The following ESR1 variants were observed in gnomAD, a reference collection of about 807,000 sequenced individuals.
ESR1 encodes the protein estrogen receptor.
ESR1 carries 12 observed loss-of-function variants against 52.7 expected under a neutral mutation model. The observed-to-expected ratio is 0.23, with a 90% CI of 0.15 to 0.37. The LOEUF is 0.37. ESR1 is among the 10% of genes least tolerant of loss of function. The probability of loss-of-function intolerance (pLI) is 1.00; values close to 1 mark genes in which losing one functional copy is unlikely to be tolerated. For synonymous variants in ESR1, 305 were observed against 316.8 expected (o/e 0.96, Z 0.39); for missense variants, 584 against 779.7 (o/e 0.75, Z 2.99).
intron 2 of ESR1, among the ~76,000 whole-genome samples, chr6:151,764,771 T>TTATCCATAA (rs1397878426): frequency 2.0e-5 from 3 of 152,222 alleles, no homozygotes; most frequent in African/African-American, 7.2e-5. Context: ...TATGTTACAT[T>TTATCCATAA]TATCCATAAT....
intron 6 of ESR1, among the ~76,000 whole-genome samples, chr6:152,112,306 T>C (rs1251054500): frequency 1.3e-5 from 2 of 152,226 alleles, no homozygotes; most frequent in Admixed American, 1.3e-4. Flanking sequence ...TCCTCTATTT[T>C]CTGTGATTGC....
chr6:152,084,842 C>T (rs2049565631), intron 6 of ESR1, among the ~76,000 whole-genome samples: 1 of 152,124 alleles, frequency 6.6e-6, no homozygotes, highest in South Asian at 2.1e-4. Context: ...TGGTGAGAAA[C>T]CGGAGTACAG....
At chr6:151,728,752 A>T (rs892807381) in intron 2 of ESR1, among the ~76,000 whole-genome samples, 3 of 152,186 alleles carry the variant, frequency 2.0e-5, no homozygotes, top group Admixed American at 1.3e-4. Flanking sequence ...AGAATGTCTG[A>T]TGGTGCCCTG....
At chr6:152,036,202 A>G (rs1562705356) in intron 5 of ESR1, among the ~76,000 whole-genome samples, 1 of 152,170 alleles carries the variant, frequency 6.6e-6, no homozygotes, top group Non-Finnish European at 1.5e-5. Context: ...TCTACTAAAA[A>G]TATAAAAATT....
intron 2 of ESR1, among the ~76,000 whole-genome samples, chr6:151,855,749 G>A (rs1486477613): frequency 1.3e-5 from 2 of 152,112 alleles, no homozygotes; most frequent in African/African-American, 4.8e-5. Flanking sequence ...TGGGAAAAAG[G>A]GGTATTTCAG....
At chr6:152,010,729 G>C (rs1000571163) in intron 4 of ESR1, among the ~76,000 whole-genome samples, 1 of 152,080 alleles carries the variant, frequency 6.6e-6, no homozygotes, top group Non-Finnish European at 1.5e-5. Flanking sequence ...TAAGCTCTCT[G>C]AGCATCTGTC....
chr6:152,069,100 C>T (rs1298213002), intron 6 of ESR1, among the ~76,000 whole-genome samples: 1 of 137,312 alleles, frequency 7.3e-6, no homozygotes, highest in Non-Finnish European at 1.5e-5. Context: ...GTACACCAAA[C>T]AGCAGGAGCT....
chr6:152,116,414 G>A (rs1457182893), intron 6 of ESR1, among the ~76,000 whole-genome samples: 2 of 152,194 alleles, frequency 1.3e-5, no homozygotes, highest in African/African-American at 4.8e-5. Context: ...ACATCGTTAA[G>A]TGAAAAATGC....
intron 2 of ESR1, among the ~76,000 whole-genome samples, chr6:151,789,940 C>A (rs551864448): frequency 1.3e-5 from 2 of 152,130 alleles, no homozygotes; most frequent in Non-Finnish European, 2.9e-5. Flanking sequence ...AGCTAAGGAA[C>A]GTTGGCGTGA....
At chr6:152,049,535 T>G (rs1235210931) in intron 5 of ESR1, among the ~76,000 whole-genome samples, 1 of 152,224 alleles carries the variant, frequency 6.6e-6, no homozygotes, top group Non-Finnish European at 1.5e-5. Flanking sequence ...ATTTTCTCTG[T>G]AATTTCCACA....
intron 1 of ESR1, among the ~76,000 whole-genome samples, chr6:151,679,620 C>G (rs2115289701): frequency 6.6e-6 from 1 of 152,278 alleles, no homozygotes; most frequent in Non-Finnish European, 1.5e-5. Flanking sequence ...CTCCCAAGAG[C>G]TCTCCTTAGC....
At chr6:152,120,811 G>A (rs2051305771) in intron 6 of ESR1, among the ~76,000 whole-genome samples, 1 of 152,192 alleles carries the variant, frequency 6.6e-6, no homozygotes, top group Non-Finnish European at 1.5e-5. Context: ...GATGGACTCA[G>A]ACTACCTGCA....
At chr6:151,675,930 C>T (rs528534813) in intron 1 of ESR1, among the ~76,000 whole-genome samples, 28 of 152,332 alleles carry the variant, frequency 1.8e-4, no homozygotes, top group Non-Finnish European at 1.6e-4. Flanking sequence ...AGAGAGCTGG[C>T]TGTGGTCTCC....
intron 2 of ESR1, among the ~76,000 whole-genome samples, chr6:151,794,096 T>C (rs1776461938): frequency 6.6e-6 from 1 of 152,242 alleles, no homozygotes; most frequent in Non-Finnish European, 1.5e-5. Context: ...GTCTATGCTG[T>C]GGATCAGAAA....
In ESR1 at chr6:151,842,637, T is replaced by C; in HGVS notation, c.493T>C (p.Leu165=). The part of the protein sequence containing the change: ...DNRRQGGRER[L]ASTNDKGSMA... ...TCGACGCCAGGGTGGCAGAGAAAGA[T>C]TGGCCAGTACCAATGACAAGGGAAG... The change falls in exon 2 of 8, where the codon TTG becomes CTG. Residue 165 remains leucine (L), a synonymous_variant. Transcript: ENST00000206249. 1.2e-6 allele frequency: 2 copies of C among 1,613,816 alleles called. No individual in the cohort carries two copies. The highest frequency in any genetic ancestry group is 1.7e-6 in the Non-Finnish European group (2 of 1,179,902).
At chr6:151,834,782 A>C (rs1430519512) in intron 1 of ESR1, among the ~76,000 whole-genome samples, 4 of 152,160 alleles carry the variant, frequency 2.6e-5, no homozygotes, top group Non-Finnish European at 2.9e-5. Flanking sequence ...AAAGCCAGGC[A>C]GGGAGAAGGC....
chr6:152,125,466 G>A (rs2053071325), exon 7 of ESR1: 4 of 1,321,812 alleles, frequency 3.0e-6, no homozygotes, highest in Non-Finnish European at 4.0e-6. Flanking sequence ...AGTCTCTCTG[G>A]CCTTCAGTTT....
chr6:151,784,779 C>T (rs1786862515), intron 2 of ESR1, among the ~76,000 whole-genome samples: 1 of 152,106 alleles, frequency 6.6e-6, no homozygotes, highest in Non-Finnish European at 1.5e-5. Flanking sequence ...GAACAGTTTC[C>T]CCATGAGTGC....
rs1455878810 is a variant in ESR1, at chr6:151,932,421, G to A, written c.761-11752G>A. On this transcript the variant is annotated intron_variant, in intron 3 of 7. Coordinates refer to ENST00000206249, the MANE Select transcript of ESR1 (RefSeq NM_000125.4). ...TGTAGGTTGCCTGTTCACTCTGATG[G>A]TAGTTTCTTTTGCTGTGCAGAAGCT... Among the ~76,000 whole-genome samples the A allele has an allele frequency of 1.7e-3, 216 of 126,610 alleles. 1 individual carries two copies. Among genetic ancestry groups the A allele is most frequent in the African/African-American group, 6.6e-3 (212 of 32,140 alleles). The allele number at this position is 126,610 out of a possible 152,430, so 83.1% of individuals were successfully genotyped here. A position where few individuals can be genotyped will look rare whatever the true frequency, so the allele number is the denominator to read the frequency against.
Sources: allele counts gnomAD v4.1 joint callset (sites outside exome capture counted in the v4.1 genomes callset), GRCh38; gene constraint gnomAD v4.1.1; transcripts MANE v1.5; gene names NCBI Gene and HGNC (gene_info 2026-07-23, HGNC 2026-07-21).